SLF1: variants seen among roughly 807,000 people sequenced by gnomAD.
The protein encoded by SLF1 is SMC5-SMC6 complex localization factor protein 1.
SLF1 carries 105 observed loss-of-function variants against 123.0 expected under a neutral mutation model. The ratio of observed to expected loss-of-function variants is 0.85; its 90% CI spans 0.73 to 1.00. The LOEUF is 1.00. Ranked by LOEUF, SLF1 falls within the 50% of genes least tolerant of loss-of-function variation. The pLI is 0.00. For synonymous variants in SLF1, 434 were observed against 406.6 expected, an observed-to-expected ratio of 1.07 and a Z score of -0.81; for missense variants, 1,239 against 1,223.0, an observed-to-expected ratio of 1.01 and a Z score of -0.20.
chr5:94,653,566 T>A (rs532376295), intron 8 of SLF1, 145 bp downstream of exon 8: 1 of 683,116 alleles, frequency 1.5e-6, no homozygotes. Context: ...CCAGTTAACT[T>A]TGGTTCACAG....
At chr5:94,664,718 A>G (rs1158273786) in intron 11 of SLF1, among the ~76,000 whole-genome samples, 3 of 152,216 alleles carry the variant, frequency 2.0e-5, no homozygotes, top group Non-Finnish European at 4.4e-5. Context: ...AAATCTCACT[A>G]TAATTGTGAA....
intron 9 of SLF1, among the ~76,000 whole-genome samples, chr5:94,660,469 C>T (rs138289974): frequency 2.4e-3 from 360 of 152,274 alleles, no homozygotes; most frequent in African/African-American, 8.5e-3. Context: ...CACTTGGGCT[C>T]TGGTGGCTGT....
At chr5:94,675,609 G>A (rs758577019) in intron 14 of SLF1, among the ~76,000 whole-genome samples, 3 of 152,076 alleles carry the variant, frequency 2.0e-5, no homozygotes, top group Non-Finnish European at 2.9e-5. Flanking sequence ...GGTATAAAAG[G>A]ATCTAAGAAC....
intron 11 of SLF1, 67 bp from the exon 12 acceptor site, chr5:94,665,794 C>G (rs1749685285): frequency 8.8e-6 from 12 of 1,370,326 alleles, no homozygotes; most frequent in Non-Finnish European, 1.1e-5. Flanking sequence ...TGGTTTTAGA[C>G]TGAATTAGAG....
Position 94,651,757 on chromosome 5 carries a change from A to T in SLF1, c.794A>T (p.His265Leu). The T allele has an allele frequency of 3.3e-6, 5 of 1,532,078 alleles. No individual in the cohort carries two copies. The highest frequency in any genetic ancestry group is 4.4e-6 in the Non-Finnish European group (5 of 1,138,268). 94.9% of individuals were successfully genotyped at this position (1,532,078 alleles called of 1,614,324 possible). Residue 265 changes from histidine to leucine, a missense_variant, in exon 7 of 21, where the codon CAC becomes CTC. By Grantham distance (99) the His-to-Leu change is moderately conservative (BLOSUM62 -3). Coordinates refer to ENST00000265140, the MANE Select transcript of SLF1 (RefSeq NM_032290.4). ...GTTGGTTCTATTTTGATTCAACATCACAAAAAAGAAAAATTCAGTGGTTCC... is the reference window on the plus strand; with the variant it reads ...GTTGGTTCTATTTTGATTCAACATCTCAAAAAAGAAAAATTCAGTGGTTCC... ...VNVGSILIQH[H>L]KKEKFSGSSK...
chr5:94,636,158 A>G (rs1344005337), intron 4 of SLF1, among the ~76,000 whole-genome samples: 2 of 152,172 alleles, frequency 1.3e-5, no homozygotes, highest in Non-Finnish European at 2.9e-5. Context: ...ACTGGTAATT[A>G]CGTTCAGACT....
rs1446509960 is a variant in SLF1 at position 94,688,523 on chromosome 5, A to G, written c.2139A>G (p.Pro713=). 3 of 1,613,916 alleles carry G rather than the reference A, an allele frequency of 1.9e-6. No individual in the cohort carries two copies. In the East Asian group the frequency reaches 6.7e-5, roughly 36 times the overall value. Residue 713 remains proline, a synonymous_variant, in exon 17 of 21, where the codon CCA becomes CCG. Transcript: ENST00000265140. Reference sequence around the variant, plus strand: ...TTCAACAGGTATATTCCTATTTACCAGCCTTGGGGAAAACTGGTGTGCTTG... The same window carrying G: ...TTCAACAGGTATATTCCTATTTACCGGCCTTGGGGAAAACTGGTGTGCTTG... ...SLQKMVYSYL[P]ALGKTGVLGS...
At chr5:94,628,747 T>A in intron 1 of SLF1, 64 bp from the exon 2 acceptor site, 1 of 1,093,842 alleles carries the variant, frequency 9.1e-7, no homozygotes. Context: ...TAAGAAAAAA[T>A]AATGTCAACC....
At chr5:94,662,387 A>G (rs1384059165) in intron 10 of SLF1, 36 bp downstream of exon 10, 1 of 1,486,042 alleles carries the variant, frequency 6.7e-7, no homozygotes, top group Non-Finnish European at 9.0e-7. Context: ...GATGGGGGCA[A>G]AGAAGAAGTT....
Position 94,628,918 on chromosome 5 carries a change from G to C in SLF1, c.108G>C (p.Lys36Asn), listed in dbSNP as rs1413738173. 4 of 1,537,636 alleles carry C rather than the reference G, an allele frequency of 2.6e-6. No homozygotes were observed. Among genetic ancestry groups the C allele is most frequent in the African/African-American group, 1.4e-5 (1 of 72,402 alleles). The change falls in exon 2 of 21, where the codon AAG becomes AAC. Residue 36 changes from lysine (K) to asparagine (N), a missense_variant. Physicochemically the swap from Lys to Asn is moderately conservative, Grantham distance 94. Coordinates refer to ENST00000265140, the MANE Select transcript of SLF1 (RefSeq NM_032290.4). ...LLLKLDCTFI[K>N]SEKYKNCTHL... is the part of the protein sequence containing the mutation. ...TAAAACTAGATTGCACTTTTATTAAGAGTGAGGTAAGAAACTTATCAAAAT... is the reference window on the plus strand; with the variant it reads ...TAAAACTAGATTGCACTTTTATTAACAGTGAGGTAAGAAACTTATCAAAAT...
In SLF1 at chr5:94,695,130, A is replaced by G. The variant is rs535283325; in HGVS notation, c.2995A>G (p.Thr999Ala). 1 of 1,612,698 alleles carries G rather than the reference A, an allele frequency of 6.2e-7. No homozygotes were observed. Among genetic ancestry groups the G allele is most frequent in the African/African-American group, 1.3e-5 (1 of 74,968 alleles). Reference protein sequence around the residue: ...LLMACKSHKETTSVHTDWLLD... With the variant: ...LLMACKSHKEATSVHTDWLLD... ...TATGGCTTGTAAAAGTCATAAAGAA[A>G]CCACCAGTGTTCATACTGACTGGTT... Residue 999 changes from threonine (T) to alanine (A), a missense_variant, in exon 21 of 21, where the codon ACC (threonine) becomes GCC (alanine). Transcript: ENST00000265140.
chr5:94,665,169 C>T (rs1036178410), intron 11 of SLF1, among the ~76,000 whole-genome samples: 2 of 152,134 alleles, frequency 1.3e-5, no homozygotes, highest in Non-Finnish European at 2.9e-5. Context: ...CTTAGTAGGC[C>T]GGGTGCTGTG....
intron 7 of SLF1, among the ~76,000 whole-genome samples, chr5:94,652,931 C>T (rs527548767): frequency 6.6e-5 from 10 of 152,296 alleles, no homozygotes; most frequent in East Asian, 1.9e-4. Flanking sequence ...AATCTCAGCT[C>T]GCCACAACCT....
At chr5:94,621,487 G>A (rs192693991) in intron 1 of SLF1, among the ~76,000 whole-genome samples, 1 of 152,166 alleles carries the variant, frequency 6.6e-6, no homozygotes, top group African/African-American at 2.4e-5. Context: ...AACCTTAGAC[G>A]TATGGTCTTC....
At chr5:94,647,760 A>G (rs1585142730) in intron 5 of SLF1, among the ~76,000 whole-genome samples, 1 of 106,488 alleles carries the variant, frequency 9.4e-6, no homozygotes, top group East Asian at 3.0e-4. Flanking sequence ...TTAGTGGCTT[A>G]GAGAAAAATA....
chr5:94,640,419 C>T (rs1391013553), intron 4 of SLF1, among the ~76,000 whole-genome samples: 1 of 151,896 alleles, frequency 6.6e-6, no homozygotes, highest in African/African-American at 2.4e-5. Flanking sequence ...TTCTCCTAGC[C>T]ATTGGTTTTT....
chr5:94,686,486 A>G (rs1283627377), intron 15 of SLF1, 87 bp from the exon 16 acceptor site: 1 of 1,413,576 alleles, frequency 7.1e-7, no homozygotes, highest in East Asian at 2.3e-5. Context: ...CTCATTTGAC[A>G]GAATAAACTT....
intron 4 of SLF1, among the ~76,000 whole-genome samples, chr5:94,639,105 A>G (rs914946620): frequency 1.6e-5 from 2 of 127,570 alleles, no homozygotes; most frequent in South Asian, 2.4e-4. Context: ...CAGTGGCACC[A>G]TCTTGGCTCA....
Position 94,663,811 on chromosome 5 carries a change from A to G in SLF1, c.1271A>G (p.His424Arg), listed in dbSNP as rs755188733. 1.5e-5 allele frequency: 23 copies of G among 1,550,608 alleles called. No homozygotes were observed. Among genetic ancestry groups the G allele is most frequent in the Non-Finnish European group, 5.2e-6 (6 of 1,146,496 alleles). ...TTAATTGAAAGCCTCATAGAAGGAC[A>G]TTTTTTTAAAGAAGCAATTGAGGAA... Reference protein sequence around the residue: ...LNLIESLIEGHFFKEAIEELS... With the variant: ...LNLIESLIEGRFFKEAIEELS... The change falls in exon 11 of 21, where the codon CAT becomes CGT. Residue 424 changes from histidine (H) to arginine (R), a missense_variant. His to Arg is a conservative substitution (Grantham distance 29, BLOSUM62 0). Coordinates refer to ENST00000265140, the MANE Select transcript of SLF1 (RefSeq NM_032290.4).
Sources: allele counts gnomAD v4.1 joint callset (sites outside exome capture counted in the v4.1 genomes callset), GRCh38; gene constraint gnomAD v4.1.1; transcripts MANE v1.5; gene names NCBI Gene and HGNC (gene_info 2026-07-23, HGNC 2026-07-21).